The following GNPTAB variants were observed in gnomAD, a reference collection of about 807,000 sequenced individuals.
GNPTAB encodes the protein N-acetylglucosamine-1-phosphotransferase subunits alpha/beta.
In GNPTAB, 92 loss-of-function variants were observed where a neutral mutation model predicts 136.6. The ratio of observed to expected loss-of-function variants is 0.67; its 90% confidence interval spans 0.57 to 0.80. GNPTAB has a LOEUF of 0.80. Among genes scored for constraint, GNPTAB ranks in the 30% least tolerant of loss-of-function variants. The pLI is 0.00. For synonymous variants in GNPTAB, 512 were observed against 535.1 expected, an observed-to-expected ratio of 0.96 and a Z score of 0.60; for missense variants, 1,343 against 1,501.8, an observed-to-expected ratio of 0.89 and a Z score of 1.75.
chr12:101,812,547 C>T (rs767730294), intron 1 of GNPTAB, among the ~76,000 whole-genome samples: 15 of 152,028 alleles, frequency 9.9e-5, no homozygotes, highest in East Asian at 1.9e-4. Context: ...CTTGAGTCCA[C>T]GAGTTCAAGA....
chr12:101,747,195 T>G lies in GNPTAB; in HGVS notation c.3740A>C (p.Lys1247Thr), dbSNP rs1952746190. Reference sequence around the variant, plus strand: ...TCTGATTCGATTGGGACTAGCTTCTTTGTGTATCCTCCTTCTGGGAAATAT... The same window carrying G: ...TCTGATTCGATTGGGACTAGCTTCTGTGTGTATCCTCCTTCTGGGAAATAT... ...RKIFPRRRIH[K>T]EASPNRIRV Residue 1247 changes from lysine to threonine, a missense_variant, in exon 21 of 21, where the codon AAA (lysine) becomes ACA (threonine). Coordinates refer to ENST00000299314, the MANE Select transcript of GNPTAB (RefSeq NM_024312.5). The G allele has an allele frequency of 6.3e-7, 1 of 1,597,016 alleles. No individual in the cohort carries two copies. Among genetic ancestry groups the G allele is most frequent in the Non-Finnish European group, 8.6e-7 (1 of 1,164,360 alleles).
Position 101,765,007 on chromosome 12 carries a change from T to C in GNPTAB, c.1910A>G (p.Glu637Gly). The change falls in exon 13 of 21, where the codon GAG becomes GGG. Residue 637 changes from glutamate (E) to glycine (G), a missense_variant. By Grantham distance (98) the Glu-to-Gly change is moderately conservative. Transcript: ENST00000299314. Reference protein sequence around the residue: ...MQITVEVDTREGPKLNSTAQK... With the variant: ...MQITVEVDTRGGPKLNSTAQK... Reference sequence around the variant, plus strand: ...GGCTGTAGAATTCAGTTTTGGTCCCTCCCTTGTGTCCACCTCCACTGTTAT... The same window carrying C: ...GGCTGTAGAATTCAGTTTTGGTCCCCCCCTTGTGTCCACCTCCACTGTTAT... The C allele has an allele frequency of 6.2e-7, 1 of 1,614,220 alleles. No individual in the cohort carries two copies. Among genetic ancestry groups the C allele is most frequent in the Non-Finnish European group, 8.5e-7 (1 of 1,180,024 alleles).
intron 14 of GNPTAB, 24 bp downstream of exon 14, chr12:101,761,539 CA>C (rs1307135954): frequency 6.2e-7 from 1 of 1,606,158 alleles, no homozygotes; most frequent in African/African-American, 1.3e-5. Context: ...CACAAGCAAA[CA>C]ACTCAAACAC....
chr12:101,748,338 A>T (rs1292915449), intron 20 of GNPTAB, among the ~76,000 whole-genome samples: 1 of 152,200 alleles, frequency 6.6e-6, no homozygotes, highest in Non-Finnish European at 1.5e-5. Context: ...TTTGAGTGAC[A>T]GCTAGAAAAG....
chr12:101,758,045 T>C, intron 16 of GNPTAB, among the ~76,000 whole-genome samples: 1 of 151,386 alleles, frequency 6.6e-6, no homozygotes, highest in East Asian at 1.9e-4. Flanking sequence ...TCATTTTTTT[T>C]TTTTTTTTTT....
intron 1 of GNPTAB, among the ~76,000 whole-genome samples, chr12:101,814,078 C>CA (rs34425945): frequency 2.1e-3 from 279 of 135,048 alleles, no homozygotes; most frequent in East Asian, 6.2e-3. Context: ...GACTCCATCT[C>CA]AAAAAAAAAA....
intron 11 of GNPTAB, among the ~76,000 whole-genome samples, chr12:101,766,738 T>C (rs1025376185): frequency 2.0e-5 from 3 of 152,226 alleles, no homozygotes; most frequent in African/African-American, 4.8e-5. Flanking sequence ...CATTCTTTAG[T>C]AGAAGATCTC....
chr12:101,780,719 C>T (rs1953329846), intron 5 of GNPTAB, 98 bp from the exon 6 acceptor site: 1 of 858,302 alleles, frequency 1.2e-6, no homozygotes, highest in South Asian at 1.4e-5. Context: ...GCTATTAAAG[C>T]AGCATAATAT....
In GNPTAB at chr12:101,789,917, G is replaced by GA. The variant is rs546617430; in HGVS notation, c.323+20dup. 4,161 of 1,527,106 alleles carry GA rather than the reference G, an allele frequency of 2.7e-3. 39 individuals carry two copies. In the African/African-American group the frequency reaches 0.034, roughly 12 times the overall value. 94.6% of individuals were successfully genotyped at this position (1,527,106 alleles called of 1,614,324 possible). On this transcript the variant is annotated intron_variant, in intron 3 of 20. Coordinates refer to ENST00000299314, the MANE Select transcript of GNPTAB (RefSeq NM_024312.5). ...CATCGCCACATTACCCATCTGATGT[G>GA]AAAAAAAAAATCAGTTTTACCTCAT...
chr12:101,813,172 C>A (rs1275741441), intron 1 of GNPTAB, among the ~76,000 whole-genome samples: 1 of 152,096 alleles, frequency 6.6e-6, no homozygotes, highest in Non-Finnish European at 1.5e-5. Context: ...TTTATGCAAT[C>A]CGAAGGGAAA....
rs281864989 is a variant in GNPTAB, at chr12:101,764,721, C to T, written c.2196G>A (p.Lys732=). 3 of 1,613,296 alleles carry T rather than the reference C, an allele frequency of 1.9e-6. No individual in the cohort carries two copies. Among genetic ancestry groups the T allele is most frequent in the Middle Eastern group, 1.6e-4 (1 of 6,082 alleles). Residue 732 remains lysine (K), a synonymous_variant, in exon 13 of 21, where the codon AAG becomes AAA. Coordinates refer to ENST00000299314, the MANE Select transcript of GNPTAB (RefSeq NM_024312.5). The part of the protein sequence containing the change: ...DITLKGYNLS[K]SALLRSFLMN... ...TCAGAAATGATCTCAGCAAGGCTGA[C>T]TTGGACAAATTGTATCCTTTCAAAG...
intron 1 of GNPTAB, among the ~76,000 whole-genome samples, chr12:101,829,059 C>T (rs1276168918): frequency 6.6e-6 from 1 of 152,226 alleles, no homozygotes; most frequent in African/African-American, 2.4e-5. Context: ...CACCTGTTGG[C>T]ACTGTCTGCC....
At position 101,763,936 on chromosome 12, in the gene GNPTAB, AAG is replaced by A. The variant is rs534163220; in HGVS notation, c.2715+264_2715+265del. ...TGCCACTTCCCACTCTCCTTCCTCC[AAG>A]TACGCCCCTGGCTAAATCCCTTACT... is the stretch of plus-strand genomic sequence containing the variant. On this transcript the variant is annotated intron_variant, in intron 13 of 20. Coordinates refer to ENST00000299314, the MANE Select transcript of GNPTAB (RefSeq NM_024312.5). Among the ~76,000 whole-genome samples the A allele has an allele frequency of 1.8e-3, 274 of 152,258 alleles. 2 individuals carry two copies. The highest frequency in any genetic ancestry group is 6.4e-3 in the African/African-American group (265 of 41,550).
At chr12:101,791,483 A>C (rs1594238738) in intron 2 of GNPTAB, among the ~76,000 whole-genome samples, 1 of 146,160 alleles carries the variant, frequency 6.8e-6, no homozygotes, top group Non-Finnish European at 1.5e-5. Context: ...ATAATAAACC[A>C]CGCAAAAAAA....
rs1000362926 is a variant in GNPTAB at position 101,745,848 on chromosome 12, A to G, written c.*1316T>C. On this transcript the variant is annotated 3_prime_UTR_variant, in exon 21 of 21. Transcript: ENST00000299314. ...CAGGAGTTCAAGATAAGCCTGACCAATATGGTGGAACCCCCGTCTCTACTA... is the reference window on the plus strand; with the variant it reads ...CAGGAGTTCAAGATAAGCCTGACCAGTATGGTGGAACCCCCGTCTCTACTA... The G allele has an allele frequency of 1.3e-5, 2 of 152,340 alleles. No individual in the cohort carries two copies. The highest frequency in any genetic ancestry group is 4.8e-5 in the African/African-American group (2 of 41,460). The allele number at this position is 152,340 out of a possible 1,614,324, so 9.4% of individuals were successfully genotyped here. A position where few individuals can be genotyped will look rare whatever the true frequency, so the allele number is the denominator to read the frequency against.
At chr12:101,827,747 C>T (rs1184595594) in intron 1 of GNPTAB, among the ~76,000 whole-genome samples, 3 of 152,108 alleles carry the variant, frequency 2.0e-5, no homozygotes, top group Non-Finnish European at 4.4e-5. Flanking sequence ...GGCGGATCAC[C>T]TAAGGTCCAG....
At chr12:101,785,725 C>A in intron 5 of GNPTAB, 1 of 364,460 alleles carries the variant, frequency 2.7e-6, no homozygotes, top group Non-Finnish European at 5.0e-6. Flanking sequence ...AGAAAAATTG[C>A]CTCTAGAATA....
intron 1 of GNPTAB, among the ~76,000 whole-genome samples, chr12:101,809,692 G>C (rs768285300): frequency 6.6e-6 from 1 of 152,184 alleles, no homozygotes; most frequent in Non-Finnish European, 1.5e-5. Flanking sequence ...ATGACATTCT[G>C]GAAAAGGCCC....
At chr12:101,772,644 T>C (rs1953195094) in intron 7 of GNPTAB, among the ~76,000 whole-genome samples, 1 of 152,106 alleles carries the variant, frequency 6.6e-6, no homozygotes, top group South Asian at 2.1e-4. Context: ...TGCCTCAGCA[T>C]ATGTGCCGGG....
Sources: gnomAD v4.1 joint callset for allele counts (sites outside exome capture counted in the v4.1 genomes callset) on GRCh38, gnomAD v4.1.1 for gene constraint, MANE v1.5 for transcripts, NCBI Gene and HGNC (gene_info 2026-07-23, HGNC 2026-07-21) for gene names.